RARB: variants seen among roughly 807,000 people sequenced by gnomAD.
RARB encodes the protein HBV-activated protein.
A neutral mutation model predicts 51.9 loss-of-function variants in RARB; 17 were observed. That is an observed-to-expected ratio of 0.33 (90% CI 0.22 to 0.49). The LOEUF is 0.49. Ranked by LOEUF, RARB falls within the 20% of genes least tolerant of loss-of-function variation. The pLI is 0.99. For missense variants in RARB, 369 were observed against 550.8 expected, an observed-to-expected ratio of 0.67 and a Z score of 3.30; for synonymous variants, 215 against 195.4, an observed-to-expected ratio of 1.10 and a Z score of -0.84.
chr3:25,033,904 C>G (rs1697930187), intron 2 of RARB, among the ~76,000 whole-genome samples: 1 of 152,190 alleles, frequency 6.6e-6, no homozygotes, highest in African/African-American at 2.4e-5. Context: ...TCTCCCAGAC[C>G]TTTTCTCCTC....
intron 3 of RARB, among the ~76,000 whole-genome samples, chr3:25,532,040 G>C (rs1698950497): frequency 6.6e-6 from 1 of 152,100 alleles, no homozygotes; most frequent in South Asian, 2.1e-4. Context: ...AATGTTTAAG[G>C]CTGAAATAAT....
At chr3:25,036,283 A>G (rs1697992069) in intron 2 of RARB, among the ~76,000 whole-genome samples, 1 of 152,134 alleles carries the variant, frequency 6.6e-6, no homozygotes, top group African/African-American at 2.4e-5. Flanking sequence ...TGAGGGTCAG[A>G]GCTGTTATGA....
chr3:25,119,154 G>C (rs1014129208), intron 3 of RARB, among the ~76,000 whole-genome samples: 2 of 152,130 alleles, frequency 1.3e-5, no homozygotes, highest in African/African-American at 4.8e-5. Flanking sequence ...TATTATTACA[G>C]TTAGATTTCA....
chr3:24,862,250 A>ATC (rs1288451915), intron 2 of RARB, among the ~76,000 whole-genome samples: 1 of 152,222 alleles, frequency 6.6e-6, no homozygotes, highest in Non-Finnish European at 1.5e-5. Flanking sequence ...ATTATGACTC[A>ATC]TCAGTCATCG....
At chr3:24,926,669 T>C (rs982110902) in intron 2 of RARB, among the ~76,000 whole-genome samples, 1 of 151,962 alleles carries the variant, frequency 6.6e-6, no homozygotes, top group African/African-American at 2.4e-5. Context: ...GTAGTAAGAA[T>C]GAGGAGTTTG....
At chr3:24,950,171 T>C (rs569368016) in intron 2 of RARB, among the ~76,000 whole-genome samples, 1 of 152,352 alleles carries the variant, frequency 6.6e-6, no homozygotes, top group East Asian at 1.9e-4. Context: ...TCATTCTGTG[T>C]TTTCTTCGGA....
intron 1 of RARB, among the ~76,000 whole-genome samples, chr3:25,445,602 G>A (rs1708895302): frequency 6.6e-6 from 1 of 152,086 alleles, no homozygotes; most frequent in African/African-American, 2.4e-5. Context: ...AGGAGGCAGG[G>A]GTTGCAGTGA....
chr3:25,123,632 C>G (rs144016516), intron 3 of RARB, among the ~76,000 whole-genome samples: 122 of 152,302 alleles, frequency 8.0e-4, no homozygotes, highest in African/African-American at 2.8e-3. Flanking sequence ...TTTCTCCTTG[C>G]AAACTAAAAA....
intron 5 of RARB, among the ~76,000 whole-genome samples, chr3:25,369,280 A>G (rs1706227861): frequency 6.6e-6 from 1 of 152,214 alleles, no homozygotes; most frequent in Non-Finnish European, 1.5e-5. Context: ...AGAAAGTGTG[A>G]GCCATTAATT....
chr3:25,341,844 G>A (rs1488310222), intron 5 of RARB, among the ~76,000 whole-genome samples: 1 of 152,092 alleles, frequency 6.6e-6, no homozygotes, highest in African/African-American at 2.4e-5. Flanking sequence ...GTTTCGTTGA[G>A]CCTTGGGAAA....
intron 3 of RARB, among the ~76,000 whole-genome samples, chr3:25,511,794 T>C (rs562013060): frequency 2.6e-5 from 4 of 152,334 alleles, no homozygotes; most frequent in Admixed American, 6.5e-5. Flanking sequence ...TGCTGAACTC[T>C]GTGCACAACT....
chr3:25,317,691 A>G (rs1311249701), intron 5 of RARB, among the ~76,000 whole-genome samples: 2 of 152,246 alleles, frequency 1.3e-5, no homozygotes, highest in African/African-American at 4.8e-5. Flanking sequence ...AAATGGGAGT[A>G]GGCTAATATT....
chr3:25,248,394 A>C (rs1209720075), intron 5 of RARB, among the ~76,000 whole-genome samples: 1 of 151,824 alleles, frequency 6.6e-6, no homozygotes, highest in Non-Finnish European at 1.5e-5. Context: ...GGGAGGGCTT[A>C]CTCCTATTAT....
At chr3:25,043,278 A>G (rs1698148832) in intron 2 of RARB, among the ~76,000 whole-genome samples, 1 of 152,206 alleles carries the variant, frequency 6.6e-6, no homozygotes, top group East Asian at 1.9e-4. Flanking sequence ...ATTATTTAGC[A>G]GTCACATAAA....
chr3:25,257,743 T>C (rs1422018950), intron 5 of RARB, among the ~76,000 whole-genome samples: 1 of 151,954 alleles, frequency 6.6e-6, no homozygotes, highest in African/African-American at 2.4e-5. Flanking sequence ...CCACTCAACT[T>C]CTCTTCATCT....
chr3:24,975,949 G>A (rs530939006), intron 2 of RARB, among the ~76,000 whole-genome samples: 2 of 152,246 alleles, frequency 1.3e-5, no homozygotes, highest in Admixed American at 6.5e-5. Context: ...GCCCCAGTGT[G>A]GGGTATTCCC....
chr3:25,002,745 A>G (rs1697189537), intron 2 of RARB, among the ~76,000 whole-genome samples: 1 of 77,854 alleles, frequency 1.3e-5, no homozygotes, highest in Non-Finnish European at 2.4e-5. Context: ...TAAAAGACAT[A>G]TTCTGTGTGT....
At chr3:25,448,886 CT>C (rs1420625096) in intron 1 of RARB, among the ~76,000 whole-genome samples, 2 of 152,118 alleles carry the variant, frequency 1.3e-5, no homozygotes, top group Non-Finnish European at 2.9e-5. Flanking sequence ...TCTCACCCCC[CT>C]CCACCCCCGC....
Position 25,222,602 on chromosome 3 carries a change from GTATTA to G in RARB, c.178+48032_178+48036del, listed in dbSNP as rs571016823. The stretch of plus-strand genomic sequence containing the variant: ...AGGCTAATAGAGTTGGTATAATTGA[GTATTA>G]TATTCATCTCTGAGAAAGCAAAATG... On this transcript the variant is annotated intron_variant, in intron 5 of 11. Transcript: ENST00000383772. Among the ~76,000 whole-genome samples the G allele has an allele frequency of 2.8e-3, 430 of 152,252 alleles. 10 individuals carry two copies. The highest frequency in any genetic ancestry group is 1.0e-3 in the Non-Finnish European group (71 of 68,018).
Sources: allele counts gnomAD v4.1 joint callset (sites outside exome capture counted in the v4.1 genomes callset), GRCh38; gene constraint gnomAD v4.1.1; transcripts MANE v1.5; gene names NCBI Gene and HGNC (gene_info 2026-07-23, HGNC 2026-07-21).